The following GALNT13 variants were observed in gnomAD, a reference collection of about 807,000 sequenced individuals.
The protein encoded by GALNT13 is UDP-GalNAc:polypeptide N-acetylgalactosaminyltransferase 13.
GALNT13 carries 28 observed loss-of-function variants against 64.2 expected under a neutral mutation model. The observed-to-expected ratio is 0.44, with a 90% CI of 0.32 to 0.60. The LOEUF is 0.60. Among genes scored for constraint, GALNT13 ranks in the 20% least tolerant of loss-of-function variants. The pLI, the probability that GALNT13 is intolerant of heterozygous loss-of-function variation, is 0.05. For missense variants in GALNT13, 577 were observed against 669.8 expected (o/e 0.86, Z 1.53); for synonymous variants, 214 against 224.6 (o/e 0.95, Z 0.42).
chr2:153,608,758 A>C, the GALNT13 span, among the ~76,000 whole-genome samples: 1 of 147,846 alleles, frequency 6.8e-6, no homozygotes, highest in Non-Finnish European at 1.5e-5. Flanking sequence ...TTTATAAGTA[A>C]ATAATTTTAT....
At chr2:153,576,652 C>A in the GALNT13 span, among the ~76,000 whole-genome samples, 2 of 152,194 alleles carry the variant, frequency 1.3e-5, no homozygotes, top group Non-Finnish European at 2.9e-5. Flanking sequence ...ACCTGCAATT[C>A]AATACTTTTT....
intron 10 of GALNT13, among the ~76,000 whole-genome samples, chr2:154,403,892 C>T (rs930392963): frequency 2.6e-5 from 4 of 152,136 alleles, no homozygotes; most frequent in Non-Finnish European, 5.9e-5. Flanking sequence ...AATACCTTTA[C>T]GTTTTGTTTT....
chr2:153,740,519 A>G, the GALNT13 span, among the ~76,000 whole-genome samples: 2 of 152,076 alleles, frequency 1.3e-5, no homozygotes, highest in African/African-American at 4.8e-5. Context: ...TTGTGTGCCA[A>G]TTCCAACATC....
At chr2:154,312,119 G>C (rs1384979038) in intron 9 of GALNT13, among the ~76,000 whole-genome samples, 3 of 152,046 alleles carry the variant, frequency 2.0e-5, no homozygotes, top group Non-Finnish European at 2.9e-5. Flanking sequence ...AAATCACAAG[G>C]GTATTGATTG....
chr2:153,430,084 G>A, the GALNT13 span, among the ~76,000 whole-genome samples: 1 of 152,064 alleles, frequency 6.6e-6, no homozygotes, highest in Non-Finnish European at 1.5e-5. Flanking sequence ...AGTATGAGAT[G>A]CCTTGCCTCA....
the GALNT13 span, among the ~76,000 whole-genome samples, chr2:153,472,964 C>T: frequency 6.6e-6 from 1 of 151,912 alleles, no homozygotes; most frequent in Admixed American, 6.6e-5. Context: ...TGTTCTCACT[C>T]ATAAGTGGGA....
chr2:154,217,640 A>G (rs1239018582), intron 4 of GALNT13, among the ~76,000 whole-genome samples: 11 of 152,184 alleles, frequency 7.2e-5, no homozygotes, highest in Admixed American at 6.6e-4. Flanking sequence ...AAAAGGAAAA[A>G]ATCTTCACTG....
At chr2:154,400,775 C>G (rs1438016349) in intron 10 of GALNT13, among the ~76,000 whole-genome samples, 2 of 152,074 alleles carry the variant, frequency 1.3e-5, no homozygotes, top group Non-Finnish European at 2.9e-5. Context: ...AAGTTGAGCT[C>G]TTTGCAGCAT....
At chr2:153,902,418 G>T (rs1165813307) in intron 2 of GALNT13, among the ~76,000 whole-genome samples, 1 of 152,066 alleles carries the variant, frequency 6.6e-6, no homozygotes, top group African/African-American at 2.4e-5. Context: ...TGTTAGTAAG[G>T]ACTAGAGTAA....
At chr2:153,194,080 TG>T in the GALNT13 span, among the ~76,000 whole-genome samples, 1 of 152,208 alleles carries the variant, frequency 6.6e-6, no homozygotes, top group Non-Finnish European at 1.5e-5. Context: ...GAAGATATTT[TG>T]TACTTTTATA....
At chr2:153,967,847 G>T (rs1225244318) in intron 3 of GALNT13, among the ~76,000 whole-genome samples, 1 of 152,140 alleles carries the variant, frequency 6.6e-6, no homozygotes, top group Non-Finnish European at 1.5e-5. Flanking sequence ...CAGTGCAGTG[G>T]ATTCCCTTCT....
chr2:154,302,977 C>A (rs1192837783), intron 9 of GALNT13, among the ~76,000 whole-genome samples: 1 of 152,132 alleles, frequency 6.6e-6, no homozygotes, highest in African/African-American at 2.4e-5. Context: ...GATGTCTTTG[C>A]AGGGCCATTT....
chr2:153,234,819 A>C, the GALNT13 span, among the ~76,000 whole-genome samples: 1 of 152,172 alleles, frequency 6.6e-6, no homozygotes, highest in Admixed American at 6.5e-5. Context: ...ACTGGACCAC[A>C]AAATAATCCT....
chr2:153,129,207 T>C, the GALNT13 span, among the ~76,000 whole-genome samples: 2 of 152,172 alleles, frequency 1.3e-5, no homozygotes, highest in African/African-American at 4.8e-5. Context: ...TATGTATGTA[T>C]AGGAAATGCA....
intron 4 of GALNT13, among the ~76,000 whole-genome samples, chr2:154,208,055 G>A (rs1687559233): frequency 6.6e-6 from 1 of 152,004 alleles, no homozygotes; most frequent in Non-Finnish European, 1.5e-5. Context: ...AACTAAGAAG[G>A]ATGTTATCAA....
chr2:153,704,835 G>C, the GALNT13 span, among the ~76,000 whole-genome samples: 2 of 152,106 alleles, frequency 1.3e-5, no homozygotes, highest in Non-Finnish European at 1.5e-5. Context: ...CATGAGAACA[G>C]AGCATTACAT....
intron 4 of GALNT13, among the ~76,000 whole-genome samples, chr2:154,154,867 C>T (rs1217959022): frequency 6.6e-6 from 1 of 151,288 alleles, no homozygotes; most frequent in East Asian, 1.9e-4. Context: ...TAAGGGAAGT[C>T]AAAATATGAC....
intron 3 of GALNT13, among the ~76,000 whole-genome samples, chr2:153,991,163 C>T (rs1460770965): frequency 1.3e-5 from 2 of 152,116 alleles, no homozygotes; most frequent in Non-Finnish European, 2.9e-5. Flanking sequence ...AAATTGAAGC[C>T]TAACTGGGAG....
the GALNT13 span, among the ~76,000 whole-genome samples, chr2:153,463,028 C>T: frequency 6.6e-6 from 1 of 152,042 alleles, no homozygotes; most frequent in Non-Finnish European, 1.5e-5. Flanking sequence ...CGAGGAAAGA[C>T]ATTTCTCTAA....
Sources: gnomAD v4.1 joint callset for allele counts (sites outside exome capture counted in the v4.1 genomes callset) on GRCh38, gnomAD v4.1.1 for gene constraint, MANE v1.5 for transcripts, NCBI Gene and HGNC (gene_info 2026-07-23, HGNC 2026-07-21) for gene names.